Variants in FRY observed in about 807,000 individuals in gnomAD.
The protein encoded by FRY is FRY microtubule binding protein, also known as protein furry homolog.
A neutral mutation model predicts 348.4 loss-of-function variants in FRY; 128 were observed. That is an observed-to-expected ratio of 0.37 (90% CI 0.32 to 0.43). FRY has a LOEUF of 0.43. Among genes scored for constraint, FRY ranks in the 20% least tolerant of loss-of-function variants. The probability of loss-of-function intolerance (pLI) is 1.00; values close to 1 mark genes in which losing one functional copy is unlikely to be tolerated. For missense variants in FRY, 2,736 were observed against 3,695.2 expected (o/e 0.74, Z 6.73); for synonymous variants, 1,370 against 1,374.7 (o/e 1.00, Z 0.08).
At chr13:32,051,727 C>A (rs2138405736) in intron 1 of FRY, among the ~76,000 whole-genome samples, 2 of 152,250 alleles carry the variant, frequency 1.3e-5, no homozygotes, top group East Asian at 3.9e-4. Flanking sequence ...TCATTGAGGA[C>A]CCACTGTGTA....
chr13:32,218,282 A>C (rs1201469128), intron 35 of FRY, among the ~76,000 whole-genome samples: 1 of 152,322 alleles, frequency 6.6e-6, no homozygotes, highest in Non-Finnish European at 1.5e-5. Context: ...TCTCAAGGAA[A>C]CAAGAAATGT....
chr13:32,142,798 T>C (rs973634267), intron 11 of FRY, among the ~76,000 whole-genome samples: 1 of 152,186 alleles, frequency 6.6e-6, no homozygotes, highest in African/African-American at 2.4e-5. Flanking sequence ...TTTTAATATA[T>C]AACCTGCTGT....
In FRY at chr13:32,171,105, A is replaced by G. The variant is rs762171766; in HGVS notation, c.1986A>G (p.Val662=). The part of the protein sequence containing the change: ...LVDFSDWRED[V]LFGFTNFLLR... The stretch of plus-strand genomic sequence containing the variant: ...ACTTCTCAGATTGGAGGGAAGATGT[A>G]CTATTTGGCTTTACCAACTTCCTGC... The change falls in exon 18 of 61, where the codon GTA becomes GTG. Residue 662 remains valine (V), a synonymous_variant. Coordinates refer to ENST00000542859, the MANE Select transcript of FRY (RefSeq NM_023037.3). 1.2e-6 allele frequency: 2 copies of G among 1,612,758 alleles called. No individual in the cohort carries two copies. Among genetic ancestry groups the G allele is most frequent in the African/African-American group, 2.7e-5 (2 of 74,876 alleles).
In FRY at chr13:32,171,047, T is replaced by C. The variant is rs1157674721; in HGVS notation, c.1928T>C (p.Ile643Thr). The C allele has an allele frequency of 3.7e-6, 6 of 1,610,626 alleles. No individual in the cohort carries two copies. The highest frequency in any genetic ancestry group is 5.1e-6 in the Non-Finnish European group (6 of 1,176,948). The change falls in exon 18 of 61, where the codon ATT becomes ACT. Residue 643 changes from isoleucine to threonine, a missense_variant. This residue lies in a region of FRY where 449 missense variants were observed against 576.9 expected (regional missense o/e 0.78). Transcript: ENST00000542859. Reference sequence around the variant, plus strand: ...CATATGGATGATGAATTGCGACATATTGCACAAAATTCTCTTCAGGGTTTA... The same window carrying C: ...CATATGGATGATGAATTGCGACATACTGCACAAAATTCTCTTCAGGGTTTA... ...SIHMDDELRH[I>T]AQNSLQGLLV...
intron 51 of FRY, among the ~76,000 whole-genome samples, chr13:32,255,162 T>G (rs1356990442): frequency 6.6e-6 from 1 of 152,158 alleles, no homozygotes; most frequent in Non-Finnish European, 1.5e-5. Context: ...CAAAACTCAG[T>G]TCACTTAAGT....
chr13:32,107,487 G>C (rs1175197662), intron 3 of FRY, among the ~76,000 whole-genome samples: 15 of 152,200 alleles, frequency 9.9e-5, no homozygotes, highest in Admixed American at 9.8e-4. Flanking sequence ...CTAGGAATTT[G>C]TGCCCTCATT....
At chr13:32,080,288 T>G (rs1038970992) in intron 2 of FRY, among the ~76,000 whole-genome samples, 9 of 152,216 alleles carry the variant, frequency 5.9e-5, no homozygotes, top group Admixed American at 5.2e-4. Flanking sequence ...CTGCTCCTCT[T>G]ACTACTAATA....
Position 32,295,811 on chromosome 13 carries a change from C to G in FRY, c.*351C>G, listed in dbSNP as rs1329699856. ...CTTTCTAGAAACAATTTTAGATTGGCAAAAGTGCAATGTTTTCTTCACTCA... is the reference window on the plus strand; with the variant it reads ...CTTTCTAGAAACAATTTTAGATTGGGAAAAGTGCAATGTTTTCTTCACTCA... On this transcript the variant is annotated 3_prime_UTR_variant, in exon 61 of 61. Coordinates refer to ENST00000542859, the MANE Select transcript of FRY (RefSeq NM_023037.3). 1 of 263,472 alleles carries G rather than the reference C, an allele frequency of 3.8e-6. No individual in the cohort carries two copies. The highest frequency in any genetic ancestry group is 7.3e-6 in the Non-Finnish European group (1 of 137,410). The allele number at this position is 263,472 out of a possible 1,614,324, so 16.3% of individuals were successfully genotyped here. A position where few individuals can be genotyped will look rare whatever the true frequency, so the allele number is the denominator to read the frequency against.
rs1886977776 is a variant in FRY, at chr13:32,249,671, G to A, written c.7154G>A (p.Arg2385Lys). 6.2e-7 allele frequency: 1 copy of A among 1,614,060 alleles called. No individual in the cohort carries two copies. The highest frequency in any genetic ancestry group is 8.5e-7 in the Non-Finnish European group (1 of 1,179,942). The change falls in exon 49 of 61, where the codon AGG becomes AAG. Residue 2385 changes from arginine to lysine, a missense_variant. Arg to Lys is a conservative substitution (Grantham distance 26). Transcript: ENST00000542859. ...GTCCTTGTTCCAGTGAGCTGGAAAA[G>A]GCCCCAGTATTCTCAGGTATGCAAT... ...SNVLVPVSWK[R>K]PQYSQKRTKE... is the part of the protein sequence containing the mutation.
At chr13:32,251,341 C>G (rs76878168) in intron 49 of FRY, among the ~76,000 whole-genome samples, 1 of 152,032 alleles carries the variant, frequency 6.6e-6, no homozygotes, top group Non-Finnish European at 1.5e-5. Flanking sequence ...TGGCTTAAAA[C>G]GAATGAATTT....
intron 24 of FRY, 23 bp downstream of exon 24, chr13:32,183,057 T>C: frequency 1.3e-6 from 2 of 1,497,944 alleles, no homozygotes; most frequent in Non-Finnish European, 1.9e-6. Context: ...ATTTAAAAAA[T>C]TAAGGCTTGG....
At chr13:32,220,269 C>A (rs566062204) in intron 36 of FRY, among the ~76,000 whole-genome samples, 21 of 152,272 alleles carry the variant, frequency 1.4e-4, no homozygotes, top group Non-Finnish European at 2.8e-4. Context: ...TTTCAGCTAC[C>A]CTTGTTCTAC....
intron 7 of FRY, among the ~76,000 whole-genome samples, chr13:32,130,452 T>TTGTGTGTGTGTGTGTG (rs58000380): frequency 0.067 from 9,555 of 141,848 alleles, 368 homozygotes; most frequent in Non-Finnish European, 0.09. Flanking sequence ...TGGAAAGTGT[T>TTGTGTGTGTGTGTGTG]TGTGTGTGTG....
At chr13:32,162,323 C>T (rs1275050319) in intron 17 of FRY, among the ~76,000 whole-genome samples, 4 of 152,114 alleles carry the variant, frequency 2.6e-5, no homozygotes, top group African/African-American at 9.7e-5. Context: ...TTACTCACAT[C>T]CTCTCACCTT....
intron 3 of FRY, among the ~76,000 whole-genome samples, chr13:32,108,806 T>C (rs1593621951): frequency 6.6e-6 from 1 of 152,190 alleles, no homozygotes; most frequent in African/African-American, 2.4e-5. Flanking sequence ...AGAGCCCCCA[T>C]AGACTCAGAA....
At chr13:32,158,826 G>C (rs1004982550) in intron 16 of FRY, among the ~76,000 whole-genome samples, 1 of 151,976 alleles carries the variant, frequency 6.6e-6, no homozygotes, top group Non-Finnish European at 1.5e-5. Flanking sequence ...GCTGAGGCAG[G>C]AGAATTGCTT....
chr13:32,193,956 A>G (rs1458442668), intron 28 of FRY, among the ~76,000 whole-genome samples, 187 bp from the exon 29 acceptor site: 1 of 152,204 alleles, frequency 6.6e-6, no homozygotes, highest in Non-Finnish European at 1.5e-5. Context: ...ATCAAATTTA[A>G]TGTATACATT....
At chr13:32,122,368 G>T (rs568865605) in intron 4 of FRY, among the ~76,000 whole-genome samples, 1 of 151,744 alleles carries the variant, frequency 6.6e-6, no homozygotes, top group African/African-American at 2.4e-5. Flanking sequence ...GTGTGAACCC[G>T]GGAGGCGGAG....
rs1020622180 is a variant in FRY at position 32,236,344 on chromosome 13, A to T, written c.5810+172A>T. On this transcript the variant is annotated intron_variant, in intron 43 of 60. Coordinates refer to ENST00000542859, the MANE Select transcript of FRY (RefSeq NM_023037.3). ...AGTTAAAAAAGAAGTCATAATACAC[A>T]CAAACACACACACACACACACACAC... Among the ~76,000 whole-genome samples the T allele has an allele frequency of 4.8e-4, 3 of 6,288 alleles. No individual in the cohort carries two copies. The East Asian group carries it at 0.023, about 49-fold the overall frequency. The allele number at this position is 6,288 out of a possible 152,430, so 4.1% of individuals were successfully genotyped here. A position where few individuals can be genotyped will look rare whatever the true frequency, so the allele number is the denominator to read the frequency against.
Sources: gnomAD v4.1 joint callset for allele counts (sites outside exome capture counted in the v4.1 genomes callset) on GRCh38, gnomAD v4.1.1 for gene constraint, gnomAD v4.1.1 regional missense constraint, MANE v1.5 for transcripts, NCBI Gene and HGNC (gene_info 2026-07-23, HGNC 2026-07-21) for gene names.